The following DSCAM variants were observed in gnomAD, a reference collection of about 807,000 sequenced individuals.
DSCAM encodes cell adhesion molecule DSCAM.
DSCAM carries 47 observed loss-of-function variants against 217.7 expected under a neutral mutation model. That is an observed-to-expected ratio of 0.22 (90% CI 0.17 to 0.28). The LOEUF (loss-of-function observed/expected upper bound fraction) is 0.28, where lower values mean the gene tolerates loss of function less well. Ranked by LOEUF, DSCAM falls within the 10% of genes least tolerant of loss-of-function variation. DSCAM has a pLI of 1.00. For missense variants in DSCAM, 2,080 were observed against 2,618.3 expected, an observed-to-expected ratio of 0.79 and a Z score of 4.49; for synonymous variants, 1,056 against 1,015.3, an observed-to-expected ratio of 1.04 and a Z score of -0.76.
At chr21:40,439,359 C>A (rs948261040) in intron 3 of DSCAM, among the ~76,000 whole-genome samples, 1 of 152,228 alleles carries the variant, frequency 6.6e-6, no homozygotes, top group African/African-American at 2.4e-5. Flanking sequence ...CTGGATCCCA[C>A]TGTTCAGTTA....
chr21:40,768,978 C>T (rs1239385773), intron 1 of DSCAM, among the ~76,000 whole-genome samples: 8 of 152,200 alleles, frequency 5.3e-5, no homozygotes, highest in Admixed American at 1.3e-4. Flanking sequence ...ATATTGAAGA[C>T]GTCCTTTGAT....
chr21:40,712,864 C>T (rs543875324), intron 1 of DSCAM, among the ~76,000 whole-genome samples: 24 of 151,764 alleles, frequency 1.6e-4, no homozygotes, highest in Admixed American at 6.6e-4. Context: ...AAGCCTTTAG[C>T]GAGGTCCTGA....
chr21:40,399,593 T>C (rs1034123410), intron 3 of DSCAM, among the ~76,000 whole-genome samples: 1 of 152,226 alleles, frequency 6.6e-6, no homozygotes, highest in African/African-American at 2.4e-5. Flanking sequence ...CTTCTCTGCA[T>C]GTGCCTAGAT....
intron 3 of DSCAM, among the ~76,000 whole-genome samples, chr21:40,565,424 C>A (rs530107208): frequency 6.6e-6 from 1 of 152,194 alleles, no homozygotes; most frequent in African/African-American, 2.4e-5. Context: ...TGATGCTAAT[C>A]TCAACCAAAG....
At chr21:40,384,394 G>A (rs138296449) in intron 3 of DSCAM, among the ~76,000 whole-genome samples, 6 of 152,172 alleles carry the variant, frequency 3.9e-5, no homozygotes, top group Admixed American at 3.9e-4. Context: ...GATCATCAGA[G>A]GTCAGGAGTT....
chr21:40,273,475 A>T (rs1301363298), intron 11 of DSCAM, among the ~76,000 whole-genome samples: 3 of 152,214 alleles, frequency 2.0e-5, no homozygotes. Flanking sequence ...ACTGTAGAAC[A>T]TTCGAACAGA....
intron 3 of DSCAM, among the ~76,000 whole-genome samples, chr21:40,577,095 T>G (rs964678644): frequency 3.3e-5 from 5 of 151,948 alleles, no homozygotes; most frequent in African/African-American, 1.2e-4. Flanking sequence ...TATAAATTAA[T>G]TCATCCATTC....
intron 1 of DSCAM, among the ~76,000 whole-genome samples, chr21:40,797,775 T>C (rs2091704611): frequency 6.6e-6 from 1 of 152,210 alleles, no homozygotes; most frequent in Non-Finnish European, 1.5e-5. Flanking sequence ...CTTATTCAGC[T>C]TCTTTTTTCT....
At chr21:40,670,243 A>G (rs2090256228) in intron 3 of DSCAM, among the ~76,000 whole-genome samples, 1 of 152,210 alleles carries the variant, frequency 6.6e-6, no homozygotes, top group Non-Finnish European at 1.5e-5. Context: ...TTAACTCGGT[A>G]CTTATTAAAC....
intron 3 of DSCAM, among the ~76,000 whole-genome samples, chr21:40,626,458 G>A (rs1239713880): frequency 6.6e-6 from 1 of 152,148 alleles, no homozygotes; most frequent in Non-Finnish European, 1.5e-5. Context: ...CACCCACTGT[G>A]TCAAACCCTA....
intron 20 of DSCAM, among the ~76,000 whole-genome samples, chr21:40,096,403 C>T (rs1245520256): frequency 6.6e-6 from 1 of 152,178 alleles, no homozygotes; most frequent in Non-Finnish European, 1.5e-5. Context: ...CATGGGCACG[C>T]ATCCTCACTT....
chr21:40,738,653 G>A (rs1222792762), intron 1 of DSCAM, among the ~76,000 whole-genome samples: 1 of 152,216 alleles, frequency 6.6e-6, no homozygotes, highest in Non-Finnish European at 1.5e-5. Flanking sequence ...TTCAAAGACA[G>A]ATTGCGGGGC....
chr21:40,342,665 G>A (rs1356846802), intron 6 of DSCAM, among the ~76,000 whole-genome samples: 1 of 27,230 alleles, frequency 3.7e-5, no homozygotes, highest in Non-Finnish European at 7.5e-5. Flanking sequence ...TTTTTTTTTT[G>A]AGACAGTGTC....
Position 40,330,956 on chromosome 21 carries a change from C to A in DSCAM, c.1783+7145G>T, listed in dbSNP as rs148692327. On this transcript the variant is annotated intron_variant, in intron 8 of 32. Transcript: ENST00000400454. ...AATAGAAGCTCTGCAATTCCCAAGT[C>A]GTTGTTGAAAAATAAATATGAAAAT... Among the ~76,000 whole-genome samples the A allele has an allele frequency of 3.5e-4, 54 of 152,166 alleles. 1 individual carries two copies. The highest frequency in any genetic ancestry group is 1.3e-3 in the African/African-American group (52 of 41,484).
At chr21:40,755,513 A>G (rs1196612479) in intron 1 of DSCAM, among the ~76,000 whole-genome samples, 1 of 152,116 alleles carries the variant, frequency 6.6e-6, no homozygotes, top group African/African-American at 2.4e-5. Flanking sequence ...TCTTGAGAGG[A>G]ATCTTAGATT....
At chr21:40,538,242 G>A (rs1387872724) in intron 3 of DSCAM, among the ~76,000 whole-genome samples, 2 of 152,038 alleles carry the variant, frequency 1.3e-5, no homozygotes, top group Non-Finnish European at 2.9e-5. Flanking sequence ...GGGTGTTAGT[G>A]CTCCTTCATT....
chr21:40,525,759 C>T (rs1371086534), intron 3 of DSCAM, among the ~76,000 whole-genome samples: 1 of 152,182 alleles, frequency 6.6e-6, no homozygotes, highest in Non-Finnish European at 1.5e-5. Flanking sequence ...GCTATATGGT[C>T]TCAGAAAATT....
chr21:40,133,110 T>C (rs980595372), intron 19 of DSCAM, among the ~76,000 whole-genome samples: 3 of 152,256 alleles, frequency 2.0e-5, no homozygotes, highest in African/African-American at 7.2e-5. Flanking sequence ...CCTTCCTTTA[T>C]TAAGGTGGAG....
At chr21:40,327,919 T>C (rs2074335433) in intron 8 of DSCAM, among the ~76,000 whole-genome samples, 1 of 152,076 alleles carries the variant, frequency 6.6e-6, no homozygotes, top group South Asian at 2.1e-4. Context: ...CTAAAATACT[T>C]ATGAATAAAT....
Sources: allele counts gnomAD v4.1 joint callset (sites outside exome capture counted in the v4.1 genomes callset), GRCh38; gene constraint gnomAD v4.1.1; transcripts MANE v1.5; gene names NCBI Gene and HGNC (gene_info 2026-07-23, HGNC 2026-07-21).